Variants in DCLK1 observed in about 807,000 individuals in gnomAD.
DCLK1 encodes the protein serine/threonine-protein kinase DCLK1.
Under a neutral mutation model 86.2 loss-of-function variants are expected in DCLK1, and 16 were observed. That is an observed-to-expected ratio of 0.19 (90% CI 0.13 to 0.28). The LOEUF is 0.28. Among genes scored for constraint, DCLK1 ranks in the 10% least tolerant of loss-of-function variants. DCLK1 has a pLI of 1.00. For missense variants in DCLK1, 590 were observed against 940.2 expected (o/e 0.63, Z 4.87); for synonymous variants, 369 against 370.5 (o/e 1.00, Z 0.05).
intron 3 of DCLK1, among the ~76,000 whole-genome samples, chr13:36,074,762 G>A (rs927444282): frequency 3.3e-5 from 5 of 152,130 alleles, no homozygotes; most frequent in African/African-American, 7.2e-5. Flanking sequence ...CCCCATAAGC[G>A]GGTCCTAAGA....
At chr13:36,089,646 G>A (rs934915419) in intron 3 of DCLK1, among the ~76,000 whole-genome samples, 1 of 152,068 alleles carries the variant, frequency 6.6e-6, no homozygotes, top group Non-Finnish European at 1.5e-5. Flanking sequence ...ATATACAACA[G>A]GCAGTTCTGG....
chr13:36,045,368 A>ATATCTATATATC (rs1555358862), intron 3 of DCLK1, among the ~76,000 whole-genome samples: 17 of 94,922 alleles, frequency 1.8e-4, no homozygotes, highest in East Asian at 1.4e-3. Flanking sequence ...ATATATATAT[A>ATATCTATATATC]TATATATATT....
intron 15 of DCLK1, among the ~76,000 whole-genome samples, chr13:35,796,296 G>A (rs748539195): frequency 2.8e-4 from 42 of 152,158 alleles, no homozygotes; most frequent in Non-Finnish European, 4.7e-4. Flanking sequence ...AGAAGGTTGA[G>A]GAAAGGTTTT....
intron 15 of DCLK1, chr13:35,805,455 C>A (rs962767582): frequency 7.1e-6 from 3 of 423,106 alleles, no homozygotes; most frequent in Non-Finnish European, 1.3e-5. Flanking sequence ...TGCCACTATG[C>A]CCAGCTAATT....
intron 3 of DCLK1, among the ~76,000 whole-genome samples, chr13:35,979,297 C>T (rs1481605529): frequency 2.6e-5 from 4 of 152,232 alleles, no homozygotes; most frequent in African/African-American, 7.2e-5. Flanking sequence ...AAGACCCGGC[C>T]GGGGAAGGAC....
At chr13:36,011,592 T>C (rs1423207429) in intron 3 of DCLK1, among the ~76,000 whole-genome samples, 2 of 151,172 alleles carry the variant, frequency 1.3e-5, no homozygotes, top group African/African-American at 2.4e-5. Context: ...GTCTGAGAGA[T>C]AGTTTGTTAT....
At chr13:36,043,856 T>C (rs1882781886) in intron 3 of DCLK1, among the ~76,000 whole-genome samples, 1 of 152,188 alleles carries the variant, frequency 6.6e-6, no homozygotes, top group Non-Finnish European at 1.5e-5. Context: ...TATCCTTTGT[T>C]AGGAAACCAT....
At chr13:36,115,331 AC>A (rs1441931945) in intron 2 of DCLK1, among the ~76,000 whole-genome samples, 1 of 151,796 alleles carries the variant, frequency 6.6e-6, no homozygotes, top group African/African-American at 2.4e-5. Flanking sequence ...TTTATCTTAA[AC>A]AAACAAACAA....
rs1882521688 is a variant in DCLK1, at chr13:36,036,844, T to C, written c.723+75025A>G. Among the ~76,000 whole-genome samples the C allele has an allele frequency of 2.0e-5, 3 of 151,912 alleles. No individual in the cohort carries two copies. In the South Asian group the frequency reaches 6.2e-4, roughly 32 times the overall value. ...AAAAAACTTTCTAAAAAATGAAAAA[T>C]AGAACTATGATATGATCCAGCAATT... On this transcript the variant is annotated intron_variant, in intron 3 of 16. Coordinates refer to ENST00000360631, the MANE Select transcript of DCLK1 (RefSeq NM_001330071.2).
chr13:35,978,214 T>TG (rs1879452689), intron 3 of DCLK1, among the ~76,000 whole-genome samples: 2 of 143,096 alleles, frequency 1.4e-5, no homozygotes, highest in Non-Finnish European at 3.0e-5. Context: ...TTTTTTTTTT[T>TG]TTTTTTTTTT....
chr13:36,104,344 A>G (rs898969291), intron 3 of DCLK1, among the ~76,000 whole-genome samples: 2 of 152,236 alleles, frequency 1.3e-5, no homozygotes, highest in Non-Finnish European at 2.9e-5. Context: ...TCAAAGGCCA[A>G]TAGAACACCT....
chr13:35,977,552 A>G (rs1230286593), intron 3 of DCLK1, among the ~76,000 whole-genome samples: 2 of 152,210 alleles, frequency 1.3e-5, no homozygotes, highest in African/African-American at 4.8e-5. Flanking sequence ...CACACATTTA[A>G]TACTGGTCAT....
chr13:36,064,663 A>AG (rs1170966131), intron 3 of DCLK1, among the ~76,000 whole-genome samples: 1 of 151,780 alleles, frequency 6.6e-6, no homozygotes, highest in Non-Finnish European at 1.5e-5. Flanking sequence ...GTCTATTAAA[A>AG]AAAAAAAAGA....
At chr13:36,062,748 C>T (rs550451659) in intron 3 of DCLK1, among the ~76,000 whole-genome samples, 4 of 152,168 alleles carry the variant, frequency 2.6e-5, no homozygotes, top group East Asian at 1.9e-4. Flanking sequence ...GAACTGACCA[C>T]GGATAGGCGT....
At chr13:35,972,793 C>T (rs1879135623) in intron 3 of DCLK1, among the ~76,000 whole-genome samples, 1 of 152,118 alleles carries the variant, frequency 6.6e-6, no homozygotes, top group African/African-American at 2.4e-5. Context: ...ATCCCATAGA[C>T]CATCATGGCT....
intron 3 of DCLK1, among the ~76,000 whole-genome samples, chr13:36,094,789 C>A (rs1884948280): frequency 6.6e-6 from 1 of 151,944 alleles, no homozygotes; most frequent in South Asian, 2.1e-4. Flanking sequence ...CAATTTCGGG[C>A]CAGGAATATG....
chr13:35,856,585 A>G (rs1264520450), intron 5 of DCLK1, among the ~76,000 whole-genome samples: 1 of 152,246 alleles, frequency 6.6e-6, no homozygotes, highest in Non-Finnish European at 1.5e-5. Context: ...GAAAATGAAG[A>G]AAAAGAGACA....
chr13:35,837,081 T>G (rs112568850), intron 7 of DCLK1, among the ~76,000 whole-genome samples: 165 of 152,356 alleles, frequency 1.1e-3, no homozygotes, highest in African/African-American at 3.7e-3. Context: ...CTTCCGACCT[T>G]TCGTCATAAA....
intron 6 of DCLK1, among the ~76,000 whole-genome samples, chr13:35,840,872 A>C (rs766835666): frequency 6.6e-6 from 1 of 152,264 alleles, no homozygotes. Context: ...ATAATATTGC[A>C]GTATGAGGCT....
Sources: allele counts gnomAD v4.1 joint callset (sites outside exome capture counted in the v4.1 genomes callset), GRCh38; gene constraint gnomAD v4.1.1; transcripts MANE v1.5; gene names NCBI Gene and HGNC (gene_info 2026-07-23, HGNC 2026-07-21).